CNTN1: variants seen among roughly 807,000 people sequenced by gnomAD.
The protein encoded by CNTN1 is contactin 1, also known as contactin-1.
A neutral mutation model predicts 126.4 loss-of-function variants in CNTN1; 38 were observed. The ratio of observed to expected loss-of-function variants is 0.30; its 90% confidence interval spans 0.23 to 0.39. The LOEUF (loss-of-function observed/expected upper bound fraction) is 0.39, where lower values mean the gene tolerates loss of function less well. Among genes scored for constraint, CNTN1 ranks in the 10% least tolerant of loss-of-function variants. CNTN1 has a pLI of 1.00. For synonymous variants in CNTN1, 413 were observed against 422.6 expected (o/e 0.98, Z 0.28); for missense variants, 1,009 against 1,248.4 (o/e 0.81, Z 2.89).
intron 1 of CNTN1, among the ~76,000 whole-genome samples, chr12:40,791,315 A>G (rs1940212943): frequency 6.6e-6 from 1 of 152,172 alleles, no homozygotes; most frequent in South Asian, 2.1e-4. Flanking sequence ...GACAATACGT[A>G]TACGTAGAGT....
At chr12:41,046,901 C>A (rs1303991201) in intron 23 of CNTN1, among the ~76,000 whole-genome samples, 3 of 145,986 alleles carry the variant, frequency 2.1e-5, no homozygotes, top group Non-Finnish European at 3.0e-5. Flanking sequence ...TCAGCTCCTG[C>A]CTTGAATGTC....
chr12:40,775,741 C>A (rs998808941), intron 1 of CNTN1, among the ~76,000 whole-genome samples: 1 of 151,480 alleles, frequency 6.6e-6, no homozygotes, highest in South Asian at 2.1e-4. Flanking sequence ...TGTGTAGGCA[C>A]CAGCAAGTTT....
At chr12:40,801,421 T>A (rs1422800705) in intron 1 of CNTN1, among the ~76,000 whole-genome samples, 1 of 151,970 alleles carries the variant, frequency 6.6e-6, no homozygotes, top group Non-Finnish European at 1.5e-5. Context: ...ATTAAATAAA[T>A]AATTATAAAA....
chr12:40,897,726 ATGGTT>A (rs904481048), intron 1 of CNTN1, among the ~76,000 whole-genome samples: 8 of 152,162 alleles, frequency 5.3e-5, no homozygotes, highest in Admixed American at 2.6e-4. Flanking sequence ...TGAAACCTCA[ATGGTT>A]TGGGGGCACC....
intron 6 of CNTN1, among the ~76,000 whole-genome samples, chr12:40,928,022 C>A (rs1945755528): frequency 6.6e-6 from 1 of 151,962 alleles, no homozygotes; most frequent in African/African-American, 2.4e-5. Flanking sequence ...AAATTCAGGT[C>A]TCTGTATTCA....
At chr12:40,827,214 T>TCTTAGAAG (rs1413043536) in intron 1 of CNTN1, among the ~76,000 whole-genome samples, 1 of 152,014 alleles carries the variant, frequency 6.6e-6, no homozygotes, top group African/African-American at 2.4e-5. Flanking sequence ...AATGCTGTGT[T>TCTTAGAAG]CTTAGAAGCT....
At chr12:40,695,084 C>G (rs561456842) in intron 1 of CNTN1, among the ~76,000 whole-genome samples, 1 of 152,256 alleles carries the variant, frequency 6.6e-6, no homozygotes, top group African/African-American at 2.4e-5. Context: ...GTTGCTTAAT[C>G]CTCATTTGTA....
intron 1 of CNTN1, among the ~76,000 whole-genome samples, chr12:40,877,988 C>CTTTTTTTTT (rs199626249): frequency 5.5e-5 from 6 of 109,350 alleles, no homozygotes; most frequent in Non-Finnish European, 7.6e-5. Flanking sequence ...CAGTTTTTTC[C>CTTTTTTTTT]TTTTTTTTTT....
intron 15 of CNTN1, chr12:40,971,398 A>T: frequency 1.3e-6 from 2 of 1,569,990 alleles, no homozygotes; most frequent in Admixed American, 3.5e-5. Flanking sequence ...TTGGGCATCC[A>T]CACTCTCCCT....
At chr12:40,960,414 T>C (rs2137010854) in intron 15 of CNTN1, among the ~76,000 whole-genome samples, 1 of 152,190 alleles carries the variant, frequency 6.6e-6, no homozygotes, top group East Asian at 1.9e-4. Flanking sequence ...TATTTGTGGC[T>C]TGTTTATTTT....
At chr12:41,025,667 G>T (rs1297523052) in intron 21 of CNTN1, among the ~76,000 whole-genome samples, 1 of 152,126 alleles carries the variant, frequency 6.6e-6, no homozygotes. Context: ...TACATCAACA[G>T]CATGTGAAAA....
intron 1 of CNTN1, among the ~76,000 whole-genome samples, chr12:40,697,845 A>G (rs1565613037): frequency 1.3e-5 from 2 of 152,326 alleles, no homozygotes; most frequent in South Asian, 4.1e-4. Context: ...TGTCCATTTT[A>G]AAAGAGCCAC....
intron 1 of CNTN1, among the ~76,000 whole-genome samples, chr12:40,811,109 G>C (rs1941044614): frequency 1.3e-5 from 2 of 152,160 alleles, no homozygotes; most frequent in African/African-American, 4.8e-5. Flanking sequence ...TCATTACTTG[G>C]TTATTGAGAA....
chr12:40,710,006 A>G (rs1172060395), intron 1 of CNTN1, among the ~76,000 whole-genome samples: 1 of 152,136 alleles, frequency 6.6e-6, no homozygotes. Context: ...CAGGAGCCCC[A>G]GGTTTTTTCT....
chr12:40,949,569 C>CTTTTTTTTTTTTTTTTTT (rs36070275), intron 14 of CNTN1, among the ~76,000 whole-genome samples: 4 of 64,308 alleles, frequency 6.2e-5, no homozygotes, highest in Non-Finnish European at 1.1e-4. Context: ...TCTTTTCTTT[C>CTTTTTTTTTTTTTTTTTT]TTTTTTTTTT....
Position 40,811,213 on chromosome 12 carries a change from A to G in CNTN1, c.-76-97144A>G, listed in dbSNP as rs142272794. Among the ~76,000 whole-genome samples, 464 of 152,324 alleles carry G rather than the reference A, an allele frequency of 3.0e-3. 2 individuals are homozygous for G. The highest frequency in any genetic ancestry group is 4.5e-3 in the Non-Finnish European group (305 of 68,032). On this transcript the variant is annotated intron_variant, in intron 1 of 23. Transcript: ENST00000551295. ...CACCCTGAAATCGGATTGCTTGATA[A>G]TATGGTCATTCTGTTTTTAATTTTT...
chr12:40,987,895 T>A (rs1457438416), intron 16 of CNTN1, among the ~76,000 whole-genome samples: 1 of 151,860 alleles, frequency 6.6e-6, no homozygotes, highest in East Asian at 1.9e-4. Context: ...ATTATCTTTT[T>A]AAAAATGAAA....
intron 1 of CNTN1, among the ~76,000 whole-genome samples, chr12:40,897,791 C>T (rs1944463734): frequency 6.6e-6 from 1 of 152,094 alleles, no homozygotes; most frequent in Admixed American, 6.6e-5. Flanking sequence ...GGTAATGAAA[C>T]CTTTAAAAGG....
chr12:40,814,416 G>A (rs1429019517), intron 1 of CNTN1, among the ~76,000 whole-genome samples: 1 of 152,124 alleles, frequency 6.6e-6, no homozygotes, highest in Non-Finnish European at 1.5e-5. Context: ...TTCTCCATAT[G>A]GTTAGCCAGT....
Sources: allele counts gnomAD v4.1 joint callset (sites outside exome capture counted in the v4.1 genomes callset), GRCh38; gene constraint gnomAD v4.1.1; transcripts MANE v1.5; gene names NCBI Gene and HGNC (gene_info 2026-07-23, HGNC 2026-07-21).